The following PTPRT variants were observed in gnomAD, a reference collection of about 807,000 sequenced individuals.
PTPRT encodes receptor-type tyrosine-protein phosphatase T.
A neutral mutation model predicts 176.8 loss-of-function variants in PTPRT; 56 were observed. The observed-to-expected ratio is 0.32, with a 90% CI of 0.26 to 0.40. The LOEUF (loss-of-function observed/expected upper bound fraction) is 0.40. PTPRT is among the 10% of genes least tolerant of loss of function. The pLI is 1.00. For missense variants in PTPRT, 1,540 were observed against 1,908.2 expected (o/e 0.81, Z 3.60); for synonymous variants, 783 against 739.0 (o/e 1.06, Z -0.96).
At chr20:43,002,755 C>T (rs1361190013) in intron 1 of PTPRT, among the ~76,000 whole-genome samples, 2 of 151,680 alleles carry the variant, frequency 1.3e-5, no homozygotes, top group Non-Finnish European at 1.5e-5. Context: ...GACTTAAATA[C>T]TTTAATAACT....
intron 16 of PTPRT, among the ~76,000 whole-genome samples, chr20:42,166,009 C>T (rs541925523): frequency 1.3e-5 from 2 of 152,238 alleles, no homozygotes; most frequent in Non-Finnish European, 2.9e-5. Flanking sequence ...ATTATTAATG[C>T]TATATTTTTA....
chr20:43,013,791 C>T (rs1479985244), intron 1 of PTPRT, among the ~76,000 whole-genome samples: 2 of 152,164 alleles, frequency 1.3e-5, no homozygotes, highest in African/African-American at 4.8e-5. Context: ...ACAAACGCAG[C>T]AAGACATAGG....
chr20:43,100,664 G>C (rs1351876554), intron 1 of PTPRT, among the ~76,000 whole-genome samples: 1 of 152,132 alleles, frequency 6.6e-6, no homozygotes, highest in Non-Finnish European at 1.5e-5. Flanking sequence ...GGACATAAAC[G>C]GCTCTCATCT....
At chr20:42,777,156 G>C (rs1038753010) in intron 4 of PTPRT, among the ~76,000 whole-genome samples, 1 of 152,072 alleles carries the variant, frequency 6.6e-6, no homozygotes, top group Non-Finnish European at 1.5e-5. Context: ...ACACAGAGCA[G>C]CCCAAGTGAC....
intron 16 of PTPRT, among the ~76,000 whole-genome samples, chr20:42,193,059 A>C (rs979927034): frequency 2.2e-4 from 34 of 152,366 alleles, no homozygotes; most frequent in Admixed American, 1.3e-3. Flanking sequence ...AGGTCAAAGG[A>C]AAGACAAAGT....
chr20:42,748,233 C>T (rs144628625), intron 6 of PTPRT, among the ~76,000 whole-genome samples: 5 of 152,194 alleles, frequency 3.3e-5, no homozygotes, highest in Admixed American at 6.5e-5. Flanking sequence ...AGGATGTTGA[C>T]AATAGAGGTG....
intron 6 of PTPRT, among the ~76,000 whole-genome samples, chr20:42,720,262 T>C (rs1305109000): frequency 6.6e-6 from 1 of 152,222 alleles, no homozygotes; most frequent in Non-Finnish European, 1.5e-5. Flanking sequence ...ATATCATGTG[T>C]ATCCCTTAGC....
At chr20:42,535,136 T>G (rs928013192) in intron 7 of PTPRT, among the ~76,000 whole-genome samples, 6 of 152,074 alleles carry the variant, frequency 3.9e-5, no homozygotes, top group African/African-American at 1.2e-4. Context: ...AACAAAAATA[T>G]GCAGACACAC....
chr20:42,613,130 A>G (rs1288762648), intron 7 of PTPRT, among the ~76,000 whole-genome samples: 3 of 152,210 alleles, frequency 2.0e-5, no homozygotes, highest in Admixed American at 6.5e-5. Flanking sequence ...TCAACAGTCT[A>G]TTCATGGACC....
intron 1 of PTPRT, among the ~76,000 whole-genome samples, chr20:42,886,599 GATA>G (rs1227222207): frequency 6.6e-6 from 1 of 152,220 alleles, no homozygotes; most frequent in Non-Finnish European, 1.5e-5. Context: ...GCACCTGGAA[GATA>G]ATAAAGTCAA....
intron 1 of PTPRT, among the ~76,000 whole-genome samples, chr20:43,153,569 C>T (rs2146425852): frequency 6.6e-6 from 1 of 152,226 alleles, no homozygotes; most frequent in East Asian, 1.9e-4. Context: ...TCACATTATA[C>T]ATTATTACAA....
intron 1 of PTPRT, among the ~76,000 whole-genome samples, chr20:42,886,752 TGA>T (rs891081060): frequency 6.6e-6 from 1 of 152,190 alleles, no homozygotes; most frequent in African/African-American, 2.4e-5. Flanking sequence ...AAGGTGACAT[TGA>T]GAGAGATGTG....
At chr20:42,166,007 T>A (rs943209187) in intron 16 of PTPRT, among the ~76,000 whole-genome samples, 1 of 152,256 alleles carries the variant, frequency 6.6e-6, no homozygotes, top group African/African-American at 2.4e-5. Context: ...AAATTATTAA[T>A]GCTATATTTT....
chr20:42,766,451 T>C (rs2076984040), intron 5 of PTPRT, among the ~76,000 whole-genome samples: 1 of 152,224 alleles, frequency 6.6e-6, no homozygotes, highest in South Asian at 2.1e-4. Context: ...TCTGCATCGG[T>C]CCTGTCCATT....
chr20:42,119,865 G>A (rs1987493818), intron 20 of PTPRT, 70 bp downstream of exon 20: 1 of 1,398,642 alleles, frequency 7.1e-7, no homozygotes, highest in Admixed American at 1.9e-5. Context: ...AAGCCTTGCA[G>A]TTAAGAGAGC....
At chr20:42,586,426 C>A (rs539357059) in intron 7 of PTPRT, among the ~76,000 whole-genome samples, 35 of 152,172 alleles carry the variant, frequency 2.3e-4, no homozygotes, top group Non-Finnish European at 4.7e-4. Flanking sequence ...TCACAAAGTA[C>A]ATTTCTACCC....
At position 42,402,838 on chromosome 20, in the gene PTPRT, A is replaced by G. The variant is rs192339344; in HGVS notation, c.1560+45382T>C. Among the ~76,000 whole-genome samples the G allele has an allele frequency of 5.8e-3, 878 of 151,370 alleles. 3 individuals are homozygous for G. Among genetic ancestry groups the G allele is most frequent in the Non-Finnish European group, 7.8e-3 (526 of 67,738 alleles). On this transcript the variant is annotated intron_variant, in intron 9 of 30. Transcript: ENST00000373187. ...TGTGTGTGTGTGCATGTGTATGTGC[A>G]TGTGTGTGTGTGTGTATACACATGC...
chr20:42,232,743 T>C (rs1172404310), intron 15 of PTPRT, among the ~76,000 whole-genome samples: 2 of 143,928 alleles, frequency 1.4e-5, no homozygotes, highest in Non-Finnish European at 3.0e-5. Flanking sequence ...GCTCCTCCAC[T>C]ATAACTAAAT....
chr20:42,716,628 T>C (rs1171733523), intron 6 of PTPRT, among the ~76,000 whole-genome samples: 1 of 152,170 alleles, frequency 6.6e-6, no homozygotes, highest in East Asian at 1.9e-4. Flanking sequence ...TTTGTTTGAG[T>C]TCGTTGTAGA....
Sources: gnomAD v4.1 joint callset for allele counts (sites outside exome capture counted in the v4.1 genomes callset) on GRCh38, gnomAD v4.1.1 for gene constraint, MANE v1.5 for transcripts, NCBI Gene and HGNC (gene_info 2026-07-23, HGNC 2026-07-21) for gene names.